Variants in RNF180 observed in about 807,000 individuals in gnomAD.
The protein encoded by RNF180 is E3 ubiquitin-protein ligase RNF180.
A neutral mutation model predicts 59.2 loss-of-function variants in RNF180; 38 were observed. The observed-to-expected ratio is 0.64, with a 90% CI of 0.50 to 0.84. The LOEUF is 0.84. RNF180 is among the 40% of genes least tolerant of loss of function. The pLI is 0.00. For synonymous variants in RNF180, 262 were observed against 240.3 expected, an observed-to-expected ratio of 1.09 and a Z score of -0.84; for missense variants, 705 against 700.9, an observed-to-expected ratio of 1.01 and a Z score of -0.07.
In RNF180 at chr5:64,312,366, G is replaced by A. The variant is rs987481989; in HGVS notation, c.1228-12820G>A. ...AGCACCCTCTTATTCTCCTCCATTAGCCTAAAAGTTCTATGCTGTATTGTC... is the reference window on the plus strand; with the variant it reads ...AGCACCCTCTTATTCTCCTCCATTAACCTAAAAGTTCTATGCTGTATTGTC... On this transcript the variant is annotated intron_variant, in intron 5 of 7. Transcript: ENST00000389100. 3.9e-5 allele frequency among the ~76,000 whole-genome samples: 6 copies of A among 152,152 alleles called. No homozygotes were observed. In the East Asian group the frequency reaches 1.2e-3, roughly 30 times the overall value.
intron 1 of RNF180, among the ~76,000 whole-genome samples, chr5:64,172,322 G>T (rs1311180690): frequency 2.6e-5 from 4 of 152,136 alleles, no homozygotes; most frequent in Non-Finnish European, 5.9e-5. Flanking sequence ...AAAGCAGGGG[G>T]CTGGGGGTTG....
At position 64,213,891 on chromosome 5, in the gene RNF180, A is replaced by G; in HGVS notation, c.565A>G (p.Thr189Ala). ...TEALCLEVRP[T>A]YFEMKNEKLL... ...AGCACTCTGCCTGGAGGTGCGACCAACATATTTTGAGATGAAGAACGAAAA... is the reference window on the plus strand; with the variant it reads ...AGCACTCTGCCTGGAGGTGCGACCAGCATATTTTGAGATGAAGAACGAAAA... The change falls in exon 4 of 8, where the codon ACA becomes GCA. Residue 189 changes from threonine to alanine, a missense_variant. Coordinates refer to ENST00000389100, the MANE Select transcript of RNF180 (RefSeq NM_001113561.2). 1.9e-6 allele frequency: 3 copies of G among 1,614,118 alleles called. No homozygotes were observed. The highest frequency in any genetic ancestry group is 2.5e-6 in the Non-Finnish European group (3 of 1,180,018).
intron 5 of RNF180, among the ~76,000 whole-genome samples, chr5:64,277,351 A>G (rs746627211): frequency 2.6e-5 from 4 of 152,142 alleles, no homozygotes; most frequent in Non-Finnish European, 5.9e-5. Flanking sequence ...TAAGTTAAAA[A>G]CAAGTGGAAA....
intron 7 of RNF180, among the ~76,000 whole-genome samples, chr5:64,337,553 T>C (rs1161148903): frequency 6.6e-6 from 1 of 152,124 alleles, no homozygotes; most frequent in African/African-American, 2.4e-5. Flanking sequence ...ATGTGCACAA[T>C]GTGCAGGTTA....
chr5:64,271,858 T>G (rs1165337277), intron 5 of RNF180, among the ~76,000 whole-genome samples: 2 of 151,986 alleles, frequency 1.3e-5, no homozygotes, highest in Non-Finnish European at 2.9e-5. Flanking sequence ...TGAAGGAGGA[T>G]TTCACACACA....
chr5:64,304,495 A>G (rs1043044228), intron 5 of RNF180, among the ~76,000 whole-genome samples: 1 of 151,592 alleles, frequency 6.6e-6, no homozygotes, highest in Non-Finnish European at 1.5e-5. Context: ...TGCAGCCCTT[A>G]TGGATGACTT....
intron 5 of RNF180, among the ~76,000 whole-genome samples, chr5:64,223,125 C>T (rs1484517020): frequency 6.6e-6 from 1 of 152,172 alleles, no homozygotes; most frequent in Admixed American, 6.5e-5. Context: ...AGTATTTCTT[C>T]TGGAGGCTCT....
chr5:64,270,848 A>G (rs1011319474), intron 5 of RNF180, among the ~76,000 whole-genome samples: 9 of 152,140 alleles, frequency 5.9e-5, no homozygotes, highest in African/African-American at 2.2e-4. Context: ...AGGAAATTCA[A>G]ATAATTTTAA....
chr5:64,182,821 G>A (rs1750676324), intron 1 of RNF180, among the ~76,000 whole-genome samples: 1 of 152,204 alleles, frequency 6.6e-6, no homozygotes, highest in African/African-American at 2.4e-5. Context: ...TGGTAAGATA[G>A]TAATGTGTGC....
intron 1 of RNF180, among the ~76,000 whole-genome samples, chr5:64,176,402 GCT>G (rs905844766): frequency 5.7e-4 from 87 of 152,008 alleles, no homozygotes; most frequent in African/African-American, 2.0e-3. Context: ...CAGAAAACCA[GCT>G]CTGTTGTGCT....
intron 7 of RNF180, among the ~76,000 whole-genome samples, chr5:64,346,384 T>G (rs1479993102): frequency 1.4e-5 from 2 of 144,288 alleles, no homozygotes; most frequent in South Asian, 2.2e-4. Flanking sequence ...TTTTTTTTTT[T>G]TTCTGAGAGA....
intron 5 of RNF180, among the ~76,000 whole-genome samples, chr5:64,250,319 T>TA: frequency 1.3e-5 from 2 of 152,010 alleles, no homozygotes; most frequent in Middle Eastern, 6.8e-3. Flanking sequence ...GTCTACTTCA[T>TA]AAAAAAGAAC....
intron 7 of RNF180, among the ~76,000 whole-genome samples, chr5:64,351,840 A>G (rs2112584909): frequency 6.6e-6 from 1 of 152,240 alleles, no homozygotes; most frequent in Non-Finnish European, 1.5e-5. Flanking sequence ...ATCAATGTTC[A>G]TCAGGGATAT....
rs553483765 is a variant in RNF180, at chr5:64,330,910, C to T, written c.1579+504C>T. On this transcript the variant is annotated intron_variant, in intron 7 of 7. Coordinates refer to ENST00000389100, the MANE Select transcript of RNF180 (RefSeq NM_001113561.2). ...CAGCCACCCAGCCATGGCTTCGGAC[C>T]GAGACATCCTTGTACTCTTGGGGAC... Among the ~76,000 whole-genome samples the T allele has an allele frequency of 9.2e-5, 14 of 152,356 alleles. No homozygotes were observed. The East Asian group carries it at 1.5e-3, about 17-fold the overall frequency.
At position 64,369,797 on chromosome 5, in the gene RNF180, T is replaced by A. The variant is rs370286335; in HGVS notation, c.1762T>A (p.Phe588Ile). The change falls in exon 8 of 8, where the codon TTT becomes ATT. Residue 588 changes from phenylalanine (F) to isoleucine (I), a missense_variant. Coordinates refer to ENST00000389100, the MANE Select transcript of RNF180 (RefSeq NM_001113561.2). ...GFIVFCFLCY[F>I]FFPF ...CATTGTTTTCTGCTTTCTTTGCTAT[T>A]TTTTCTTTCCGTTTTAGGAATTTCA... 6.6e-7 allele frequency: 1 copy of A among 1,514,940 alleles called. No homozygotes were observed. The allele number at this position is 1,514,940 out of a possible 1,614,324, so 93.8% of individuals were successfully genotyped here.
intron 5 of RNF180, among the ~76,000 whole-genome samples, chr5:64,254,871 C>T (rs1048029961): frequency 3.3e-5 from 5 of 152,134 alleles, no homozygotes; most frequent in Non-Finnish European, 5.9e-5. Context: ...CTTAGAAAGA[C>T]ATTTGGTCAG....
intron 5 of RNF180, among the ~76,000 whole-genome samples, chr5:64,246,752 C>T (rs542403816): frequency 3.2e-4 from 48 of 152,176 alleles, no homozygotes; most frequent in Non-Finnish European, 4.4e-4. Flanking sequence ...TCCTCCCAAA[C>T]TCATTTTATG....
intron 5 of RNF180, among the ~76,000 whole-genome samples, chr5:64,296,259 C>G (rs1006414140): frequency 6.6e-6 from 1 of 152,090 alleles, no homozygotes; most frequent in African/African-American, 2.4e-5. Context: ...TGCTCCACTG[C>G]TTTGTTGCTG....
At chr5:64,335,975 T>C (rs1358270910) in intron 7 of RNF180, among the ~76,000 whole-genome samples, 1 of 152,162 alleles carries the variant, frequency 6.6e-6, no homozygotes, top group African/African-American at 2.4e-5. Context: ...ATCTCGCACA[T>C]CTTTTGGCTA....
Sources: allele counts gnomAD v4.1 joint callset (sites outside exome capture counted in the v4.1 genomes callset), GRCh38; gene constraint gnomAD v4.1.1; transcripts MANE v1.5; gene names NCBI Gene and HGNC (gene_info 2026-07-23, HGNC 2026-07-21).